Variants in CADPS observed in about 807,000 individuals in gnomAD.
CADPS encodes the protein calcium dependent secretion activator.
CADPS carries 57 observed loss-of-function variants against 167.3 expected under a neutral mutation model. The observed-to-expected ratio is 0.34, with a 90% CI of 0.28 to 0.42. The LOEUF (loss-of-function observed/expected upper bound fraction) is 0.42, where lower values mean the gene tolerates loss of function less well. CADPS is among the 20% of genes least tolerant of loss of function. The pLI, the probability that CADPS is intolerant of heterozygous loss-of-function variation, is 1.00. For missense variants in CADPS, 1,414 were observed against 1,738.1 expected, an observed-to-expected ratio of 0.81 and a Z score of 3.32; for synonymous variants, 676 against 635.3, an observed-to-expected ratio of 1.06 and a Z score of -0.96.
chr3:62,720,190 C>T (rs1228877951), intron 3 of CADPS, among the ~76,000 whole-genome samples: 2 of 151,684 alleles, frequency 1.3e-5, no homozygotes, highest in Admixed American at 1.3e-4. Context: ...CCATAGATAG[C>T]AACAACAATA....
rs926843663 is a variant in CADPS, at chr3:62,616,298, C to CT, written c.1326-23551dup. Among the ~76,000 whole-genome samples, 645 of 151,720 alleles carry CT rather than the reference C, an allele frequency of 4.3e-3. 4 individuals carry two copies. Among genetic ancestry groups the CT allele is most frequent in the African/African-American group, 0.015 (618 of 41,390 alleles). ...TTCAGAGCTGTTTGGATTAGACAGACTTTTTTTTTCTCCTTCTGTCTTGTG... is the reference window on the plus strand; with the variant it reads ...TTCAGAGCTGTTTGGATTAGACAGACTTTTTTTTTTCTCCTTCTGTCTTGTG... On this transcript the variant is annotated intron_variant, in intron 6 of 29. Transcript: ENST00000383710.
At chr3:62,807,476 G>C (rs1261772376) in intron 1 of CADPS, among the ~76,000 whole-genome samples, 1 of 151,794 alleles carries the variant, frequency 6.6e-6, no homozygotes, top group African/African-American at 2.4e-5. Context: ...TGGCCAAGCT[G>C]GTCTCACACT....
At chr3:62,670,619 C>T (rs1031320111) in intron 3 of CADPS, among the ~76,000 whole-genome samples, 6 of 151,982 alleles carry the variant, frequency 3.9e-5, no homozygotes, top group African/African-American at 1.5e-4. Context: ...TCTGGCAATG[C>T]AGTAAATATA....
chr3:62,474,138 GA>G (rs769486045), intron 24 of CADPS, 34 bp downstream of exon 24: 96 of 990,852 alleles, frequency 9.7e-5, no homozygotes, highest in East Asian at 9.5e-4. Flanking sequence ...AATGAAGAGG[GA>G]AAAAAAAATC....
At chr3:62,781,949 T>A (rs901775936) in intron 1 of CADPS, among the ~76,000 whole-genome samples, 4 of 152,228 alleles carry the variant, frequency 2.6e-5, no homozygotes, top group African/African-American at 9.6e-5. Context: ...ACTGAGACTT[T>A]TGAGTTCTAA....
chr3:62,576,493 G>T (rs570412360), intron 8 of CADPS, among the ~76,000 whole-genome samples: 22 of 151,992 alleles, frequency 1.4e-4, no homozygotes. Flanking sequence ...GCTACTATTT[G>T]TAGTATTAAA....
intron 4 of CADPS, among the ~76,000 whole-genome samples, chr3:62,653,931 C>T (rs889922387): frequency 2.6e-5 from 4 of 152,250 alleles, no homozygotes; most frequent in East Asian, 1.9e-4. Context: ...TTTCTAAACA[C>T]GCTGTGCATG....
Position 62,465,174 on chromosome 3 carries a change from A to G in CADPS, c.3636+193T>C, listed in dbSNP as rs905425078. 6.6e-6 allele frequency among the ~76,000 whole-genome samples: 1 copy of G among 152,214 alleles called. No individual in the cohort carries two copies. The highest frequency in any genetic ancestry group is 2.4e-5 in the African/African-American group (1 of 41,454). On this transcript the variant is annotated intron_variant, in intron 26 of 29. Coordinates refer to ENST00000383710, the MANE Select transcript of CADPS (RefSeq NM_003716.4). The surrounding 1 kb of genome is among the most constrained non-coding windows in gnomAD (Gnocchi z 4.1). ...CACACATATTGTACCTTTACAAATG[A>G]AATAGAAATGATGTTGGATTACCTG...
intron 1 of CADPS, among the ~76,000 whole-genome samples, chr3:62,774,747 C>A (rs960744702): frequency 8.5e-5 from 13 of 152,164 alleles, no homozygotes; most frequent in African/African-American, 2.9e-4. Flanking sequence ...TTTCTGCATT[C>A]AATCTGTTGT....
intron 6 of CADPS, among the ~76,000 whole-genome samples, chr3:62,644,621 A>T (rs1404679368): frequency 1.3e-5 from 2 of 152,008 alleles, no homozygotes; most frequent in African/African-American, 4.8e-5. Context: ...TCCACCCCTT[A>T]TTCTCCAAAC....
intron 1 of CADPS, among the ~76,000 whole-genome samples, chr3:62,836,322 CTTCTA>C (rs1238170386): frequency 6.6e-6 from 1 of 152,136 alleles, no homozygotes; most frequent in Non-Finnish European, 1.5e-5. Flanking sequence ...TTCTGCCTTC[CTTCTA>C]TTCTAAGCCA....
chr3:62,712,572 T>G (rs1258687773), intron 3 of CADPS, among the ~76,000 whole-genome samples: 1 of 152,246 alleles, frequency 6.6e-6, no homozygotes, highest in Non-Finnish European at 1.5e-5. Context: ...GAAGCCTTGT[T>G]GTTCACCTCT....
intron 6 of CADPS, among the ~76,000 whole-genome samples, chr3:62,643,095 A>G (rs1161265557): frequency 6.6e-6 from 1 of 152,172 alleles, no homozygotes. Flanking sequence ...AAAATAAGTA[A>G]AGGATATAGG....
intron 17 of CADPS, among the ~76,000 whole-genome samples, chr3:62,511,317 G>T (rs141500732): frequency 6.6e-6 from 1 of 152,084 alleles, no homozygotes. Flanking sequence ...TTGCAGCTAC[G>T]TTGAATTAAT....
At position 62,438,060 on chromosome 3, in the gene CADPS, G is replaced by A; in HGVS notation, c.3777+44C>T. On this transcript the variant is annotated intron_variant, in intron 28 of 29. Transcript: ENST00000383710. This position sits in a 1 kb window ranked among gnomAD's most constrained non-coding sequence, Gnocchi z 4.7. ...GTCTCTTATTTTGTCACATTTTGGA[G>A]GGTCTCCTCCTTGGTTTTCAAGGAG... The A allele has an allele frequency of 7.8e-7, 1 of 1,278,636 alleles. No individual in the cohort carries two copies. 79.2% of individuals were successfully genotyped at this position (1,278,636 alleles called of 1,614,324 possible).
chr3:62,490,438 AG>A (rs2063514738), intron 21 of CADPS, among the ~76,000 whole-genome samples: 1 of 152,178 alleles, frequency 6.6e-6, no homozygotes, highest in South Asian at 2.1e-4. Flanking sequence ...CAGAAAGGGG[AG>A]TCTGAGACTG....
Position 62,533,012 on chromosome 3 carries a change from G to T in CADPS, c.2150C>A (p.Ala717Asp). 6.2e-7 allele frequency: 1 copy of T among 1,613,756 alleles called. No individual in the cohort carries two copies. Among genetic ancestry groups the T allele is most frequent in the East Asian group, 2.2e-5 (1 of 44,842 alleles). ...GTGACACCCCCGGACTCCATTTCGG[G>T]CGCAATACTCGTCTAGTACAAACAC... ...GQVFVLDEYCARNGVRGCHRH... is the reference protein window; with the variant it reads ...GQVFVLDEYCDRNGVRGCHRH... Residue 717 changes from alanine (A) to aspartate (D), a missense_variant, in exon 13 of 30, where the codon GCC becomes GAC. Transcript: ENST00000383710.
At chr3:62,418,324 C>CTTTTTTTTTT in intron 28 of CADPS, among the ~76,000 whole-genome samples, 1 of 115,084 alleles carries the variant, frequency 8.7e-6, no homozygotes, top group Non-Finnish European at 1.7e-5. Flanking sequence ...TTTTTTCTCT[C>CTTTTTTTTTT]TTTTTTTTTT....
intron 28 of CADPS, among the ~76,000 whole-genome samples, chr3:62,430,059 G>A (rs906113030): frequency 3.9e-5 from 6 of 152,278 alleles, no homozygotes; most frequent in Non-Finnish European, 7.4e-5. Flanking sequence ...ATATGTTACA[G>A]AAATGTAAAT....
Sources: gnomAD v4.1 joint callset for allele counts (sites outside exome capture counted in the v4.1 genomes callset) on GRCh38, gnomAD v4.1.1 for gene constraint, Gnocchi (gnomAD v3.1) non-coding constraint, MANE v1.5 for transcripts, NCBI Gene and HGNC (gene_info 2026-07-23, HGNC 2026-07-21) for gene names.